The following DPP6 variants were observed in gnomAD, a reference collection of about 807,000 sequenced individuals.
The protein encoded by DPP6 is A-type potassium channel modulatory protein DPP6.
A neutral mutation model predicts 122.6 loss-of-function variants in DPP6; 69 were observed. That is an observed-to-expected ratio of 0.56 (90% CI 0.46 to 0.69). DPP6 has a LOEUF of 0.69. DPP6 is among the 30% of genes least tolerant of loss of function. The pLI, the probability that DPP6 is intolerant of heterozygous loss-of-function variation, is 0.00. For synonymous variants in DPP6, 418 were observed against 433.1 expected, an observed-to-expected ratio of 0.97 and a Z score of 0.43; for missense variants, 928 against 1,116.9, an observed-to-expected ratio of 0.83 and a Z score of 2.41.
At chr7:154,433,704 T>C (rs1201757431) in intron 1 of DPP6, among the ~76,000 whole-genome samples, 1 of 152,206 alleles carries the variant, frequency 6.6e-6, no homozygotes, top group Non-Finnish European at 1.5e-5. Flanking sequence ...AGATAATTAT[T>C]ATTTCTTTTG....
At chr7:154,621,655 C>T (rs145722411) in intron 5 of DPP6, among the ~76,000 whole-genome samples, 89 of 152,334 alleles carry the variant, frequency 5.8e-4, no homozygotes, top group African/African-American at 2.0e-3. Flanking sequence ...GCATGAGCTA[C>T]CGCACCAGGC....
At chr7:154,630,750 C>A (rs1312839163) in intron 5 of DPP6, among the ~76,000 whole-genome samples, 2 of 151,946 alleles carry the variant, frequency 1.3e-5, no homozygotes, top group Non-Finnish European at 2.9e-5. Flanking sequence ...CACATGGACA[C>A]CGGGAGGGGA....
intron 1 of DPP6, among the ~76,000 whole-genome samples, chr7:154,363,560 T>C (rs1811911147): frequency 6.6e-6 from 1 of 152,190 alleles, no homozygotes; most frequent in Non-Finnish European, 1.5e-5. Context: ...CTAGGGGAGC[T>C]GTCTGTGTCT....
chr7:154,808,486 A>C (rs938351971), intron 16 of DPP6, among the ~76,000 whole-genome samples: 15 of 152,106 alleles, frequency 9.9e-5, no homozygotes, highest in African/African-American at 3.6e-4. Flanking sequence ...GGAGGCCACC[A>C]AGTATCTGAA....
chr7:154,736,567 C>T lies in DPP6; in HGVS notation c.883+8680C>T, dbSNP rs896381424. Among the ~76,000 whole-genome samples, 144 of 152,324 alleles carry T rather than the reference C, an allele frequency of 9.5e-4. 1 individual carries two copies. The highest frequency in any genetic ancestry group is 8.8e-5 in the Non-Finnish European group (6 of 68,032). On this transcript the variant is annotated intron_variant, in intron 8 of 25. Coordinates refer to ENST00000377770, the MANE Select transcript of DPP6 (RefSeq NM_130797.4). ...GATTTGGCCCAAAAGCCATAGTAAGCCAATCCCAATTTGTCCAGTCATCAC... is the reference window on the plus strand; with the variant it reads ...GATTTGGCCCAAAAGCCATAGTAAGTCAATCCCAATTTGTCCAGTCATCAC...
At chr7:154,449,778 A>T (rs8180840) in intron 2 of DPP6, among the ~76,000 whole-genome samples, 5 of 151,642 alleles carry the variant, frequency 3.3e-5, no homozygotes, top group Non-Finnish European at 7.4e-5. Context: ...GAGGCCAAGG[A>T]GGGTGGATCA....
chr7:154,503,971 A>C (rs555375571), intron 3 of DPP6, among the ~76,000 whole-genome samples: 3 of 152,338 alleles, frequency 2.0e-5, no homozygotes, highest in Admixed American at 6.5e-5. Context: ...ATGAAAAAAA[A>C]CCAATGTTCC....
intron 4 of DPP6, among the ~76,000 whole-genome samples, chr7:154,553,820 C>A (rs1035990807): frequency 1.3e-5 from 2 of 150,492 alleles, no homozygotes; most frequent in African/African-American, 4.9e-5. Flanking sequence ...TTACATATCA[C>A]GTGGTTACTC....
intron 1 of DPP6, among the ~76,000 whole-genome samples, chr7:154,350,642 ACTGCT>A (rs1290314518): frequency 6.6e-6 from 1 of 152,190 alleles, no homozygotes; most frequent in Non-Finnish European, 1.5e-5. Context: ...GTTGGGTATC[ACTGCT>A]CTGCCTTGAA....
intron 1 of DPP6, among the ~76,000 whole-genome samples, chr7:154,089,130 T>C (rs1421144163): frequency 6.6e-6 from 1 of 152,204 alleles, no homozygotes; most frequent in Non-Finnish European, 1.5e-5. Flanking sequence ...CAGAATTGGA[T>C]TTCTCAAGAG....
intron 1 of DPP6, among the ~76,000 whole-genome samples, chr7:154,384,830 T>A (rs938578148): frequency 6.6e-6 from 1 of 151,158 alleles, no homozygotes; most frequent in Non-Finnish European, 1.5e-5. Context: ...TCATCAGTAG[T>A]GGAATGATTA....
chr7:153,840,673 G>A, the DPP6 span, among the ~76,000 whole-genome samples: 7 of 152,086 alleles, frequency 4.6e-5, no homozygotes, highest in Admixed American at 2.6e-4. Context: ...ATCACCTGTC[G>A]GGAAACCATC....
At chr7:154,021,422 T>C (rs1798694847) in intron 1 of DPP6, among the ~76,000 whole-genome samples, 1 of 152,156 alleles carries the variant, frequency 6.6e-6, no homozygotes, top group African/African-American at 2.4e-5. Flanking sequence ...CAGAGTGCTG[T>C]AGCCCAGGAG....
intron 1 of DPP6, among the ~76,000 whole-genome samples, chr7:154,374,158 G>C (rs1468082151): frequency 6.6e-6 from 1 of 151,948 alleles, no homozygotes. Context: ...AGATTTTGGA[G>C]TTAGACAGAC....
intron 1 of DPP6, among the ~76,000 whole-genome samples, chr7:154,167,201 G>A (rs541160188): frequency 6.8e-4 from 103 of 152,274 alleles, no homozygotes; most frequent in African/African-American, 2.4e-3. Context: ...AATGGAAACC[G>A]TATGGTGGCT....
At chr7:154,436,572 T>C (rs948609186) in intron 1 of DPP6, among the ~76,000 whole-genome samples, 18 of 152,158 alleles carry the variant, frequency 1.2e-4, no homozygotes, top group African/African-American at 4.1e-4. Flanking sequence ...TGTCACAACA[T>C]TGGTATCCAG....
chr7:154,104,041 G>A (rs1195014083), intron 1 of DPP6, among the ~76,000 whole-genome samples: 5 of 152,318 alleles, frequency 3.3e-5, no homozygotes, highest in Middle Eastern at 3.4e-3. Flanking sequence ...AATAAGCTCC[G>A]TTTCATATAC....
chr7:154,779,103 C>G (rs1450859079), intron 10 of DPP6, among the ~76,000 whole-genome samples: 10 of 103,420 alleles, frequency 9.7e-5, no homozygotes, highest in African/African-American at 2.4e-4. Flanking sequence ...ACCACCACCA[C>G]CACCCCCACC....
intron 1 of DPP6, among the ~76,000 whole-genome samples, chr7:154,041,508 T>A (rs1799763931): frequency 1.3e-5 from 2 of 152,202 alleles, no homozygotes; most frequent in Admixed American, 6.5e-5. Flanking sequence ...GCTTATGCCA[T>A]AGATGAGCGT....
Sources: gnomAD v4.1 joint callset for allele counts (sites outside exome capture counted in the v4.1 genomes callset) on GRCh38, gnomAD v4.1.1 for gene constraint, MANE v1.5 for transcripts, NCBI Gene and HGNC (gene_info 2026-07-23, HGNC 2026-07-21) for gene names.